CELF2: variants seen among roughly 807,000 people sequenced by gnomAD.
CELF2 encodes the protein CUGBP Elav-like family member 2.
A neutral mutation model predicts 62.6 loss-of-function variants in CELF2; 8 were observed. That is an observed-to-expected ratio of 0.13 (90% confidence interval 0.07 to 0.23). CELF2 has a LOEUF of 0.23. CELF2 is among the 10% of genes least tolerant of loss of function. The probability of loss-of-function intolerance (pLI) is 1.00; values close to 1 mark genes in which losing one functional copy is unlikely to be tolerated. For missense variants in CELF2, 333 were observed against 671.0 expected (o/e 0.50, Z 5.56); for synonymous variants, 258 against 250.0 (o/e 1.03, Z -0.30).
At chr10:10,483,493 T>C in the CELF2 span, among the ~76,000 whole-genome samples, 1 of 152,142 alleles carries the variant, frequency 6.6e-6, no homozygotes, top group African/African-American at 2.4e-5. Context: ...GAAGGGTGGG[T>C]AAAATGTTCT....
the CELF2 span, among the ~76,000 whole-genome samples, chr10:10,700,157 A>G: frequency 6.6e-6 from 1 of 152,222 alleles, no homozygotes; most frequent in African/African-American, 2.4e-5. Context: ...TTGCATCTCG[A>G]TATGGATAAA....
At chr10:11,199,808 C>T (rs968832835) in intron 2 of CELF2, among the ~76,000 whole-genome samples, 1 of 152,180 alleles carries the variant, frequency 6.6e-6, no homozygotes, top group Admixed American at 6.5e-5. Flanking sequence ...AAAGCTTAGC[C>T]TAGAACAGGG....
rs575606533 is a variant in CELF2 at position 11,316,869 on chromosome 10, A to G, written c.1096+2611A>G. 3.3e-5 allele frequency: 5 copies of G among 152,324 alleles called. No individual in the cohort carries two copies. Among genetic ancestry groups the G allele is most frequent in the African/African-American group, 1.2e-4 (5 of 41,560 alleles). 9.4% of individuals were successfully genotyped at this position (152,324 alleles called of 1,614,324 possible). On this transcript the variant is annotated intron_variant, in intron 10 of 12. Transcript: ENST00000633077. This position sits in a 1 kb window ranked among gnomAD's most constrained non-coding sequence, Gnocchi z 4.4. ...TATCCTTTTTATTCCCTGATACATT[A>G]ATGAGTCAAAGGGCTAAAAAACAGT...
intron 1 of CELF2, among the ~76,000 whole-genome samples, chr10:10,799,579 C>T (rs530038811): frequency 1.1e-4 from 16 of 152,110 alleles, no homozygotes; most frequent in Admixed American, 2.0e-4. Flanking sequence ...TGGTTTCCTC[C>T]TCTGACCTCT....
At chr10:10,549,230 C>T in the CELF2 span, among the ~76,000 whole-genome samples, 1 of 152,144 alleles carries the variant, frequency 6.6e-6, no homozygotes, top group African/African-American at 2.4e-5. Flanking sequence ...ATTTCCTCAC[C>T]ATTCTGGAGG....
intron 1 of CELF2, among the ~76,000 whole-genome samples, chr10:11,064,940 G>C (rs1245636512): frequency 6.6e-6 from 1 of 152,172 alleles, no homozygotes; most frequent in African/African-American, 2.4e-5. Flanking sequence ...CTCCATTTCA[G>C]GAATGTTTCT....
chr10:10,960,524 T>TA (rs988330008), intron 2 of CELF2, among the ~76,000 whole-genome samples: 1 of 152,266 alleles, frequency 6.6e-6, no homozygotes, highest in East Asian at 1.9e-4. Context: ...CTGGAGCCCA[T>TA]AAAAAATTCT....
At position 11,227,063 on chromosome 10, in the gene CELF2, C is replaced by T. The variant is rs371877755; in HGVS notation, c.354+9556C>T. Among the ~76,000 whole-genome samples the T allele has an allele frequency of 1.3e-5, 2 of 152,176 alleles. No individual in the cohort carries two copies. The highest frequency in any genetic ancestry group is 4.8e-5 in the African/African-American group (2 of 41,434). On this transcript the variant is annotated intron_variant, in intron 3 of 12. Coordinates refer to ENST00000633077, the MANE Select transcript of CELF2 (RefSeq NM_001326342.2). The surrounding 1 kb of genome is among the most constrained non-coding windows in gnomAD (Gnocchi z 4.8). ...CAGGGGAAGGGCAAGTATGGAGGCT[C>T]ACCCTGGAAGAGTGAGCAGGACTCT...
At chr10:11,323,711 G>T (rs2095575222) in intron 11 of CELF2, among the ~76,000 whole-genome samples, 1 of 152,168 alleles carries the variant, frequency 6.6e-6, no homozygotes, top group African/African-American at 2.4e-5. Context: ...GCCAGGACCA[G>T]TAGTGAGTGT....
At chr10:11,055,150 G>C (rs967595700) in intron 1 of CELF2, among the ~76,000 whole-genome samples, 1 of 152,214 alleles carries the variant, frequency 6.6e-6, no homozygotes, top group Non-Finnish European at 1.5e-5. Context: ...CAGTTGTCCA[G>C]AATAACTGGA....
the CELF2 span, among the ~76,000 whole-genome samples, chr10:10,586,632 C>T: frequency 6.6e-6 from 1 of 152,182 alleles, no homozygotes; most frequent in African/African-American, 2.4e-5. Context: ...CCAACCTAAT[C>T]ATGCTCACTA....
chr10:11,143,876 G>A (rs1159996436), intron 1 of CELF2, among the ~76,000 whole-genome samples: 3 of 152,174 alleles, frequency 2.0e-5, no homozygotes, highest in African/African-American at 2.4e-5. Flanking sequence ...AGTGGTAAAT[G>A]TCTTTACTTT....
the CELF2 span, among the ~76,000 whole-genome samples, chr10:10,741,994 C>T: frequency 6.6e-6 from 1 of 152,166 alleles, no homozygotes; most frequent in Non-Finnish European, 1.5e-5. Context: ...CTTTTTAGTG[C>T]ATTTATAACA....
intron 1 of CELF2, among the ~76,000 whole-genome samples, chr10:10,828,069 A>G (rs1001034071): frequency 6.6e-6 from 1 of 151,700 alleles, no homozygotes; most frequent in Non-Finnish European, 1.5e-5. Flanking sequence ...GGAATGTAAA[A>G]CAGTGCAGTT....
Position 11,136,412 on chromosome 10 carries a change from C to T in CELF2, c.75-29074C>T, listed in dbSNP as rs114859040. ...GAGGTCAGGAGTCGAGACTGGCCTG[C>T]CCAACGTGGCGAAACTCCATCTTTA... On this transcript the variant is annotated intron_variant, in intron 1 of 12. Transcript: ENST00000633077. Among the ~76,000 whole-genome samples the T allele has an allele frequency of 3.6e-3, 549 of 152,130 alleles. 6 individuals are homozygous for T. Among genetic ancestry groups the T allele is most frequent in the African/African-American group, 0.013 (534 of 41,508 alleles).
At chr10:11,188,341 G>A (rs912277059) in intron 2 of CELF2, among the ~76,000 whole-genome samples, 1 of 152,178 alleles carries the variant, frequency 6.6e-6, no homozygotes, top group African/African-American at 2.4e-5. Context: ...CCAACCTCAG[G>A]TGATCTGCCC....
chr10:10,465,369 A>G, the CELF2 span, among the ~76,000 whole-genome samples: 2 of 152,120 alleles, frequency 1.3e-5, no homozygotes, highest in Non-Finnish European at 2.9e-5. Flanking sequence ...GTCTATGATG[A>G]CCTTAGCATT....
chr10:10,763,097 C>T, the CELF2 span, among the ~76,000 whole-genome samples: 1 of 152,206 alleles, frequency 6.6e-6, no homozygotes, highest in Non-Finnish European at 1.5e-5. Context: ...TCAATTTGCT[C>T]ATTTTACAAA....
the CELF2 span, among the ~76,000 whole-genome samples, chr10:10,767,884 T>C: frequency 7.4e-6 from 1 of 135,664 alleles, no homozygotes; most frequent in African/African-American, 2.8e-5. Flanking sequence ...TAGTCCCAGC[T>C]ACTCGGGAGG....
Sources: allele counts gnomAD v4.1 joint callset (sites outside exome capture counted in the v4.1 genomes callset), GRCh38; gene constraint gnomAD v4.1.1; non-coding constraint Gnocchi (gnomAD v3.1); transcripts MANE v1.5; gene names NCBI Gene and HGNC (gene_info 2026-07-23, HGNC 2026-07-21).